The following PPP3CA variants were observed in gnomAD, a reference collection of about 807,000 sequenced individuals.
PPP3CA encodes CAM-PRP catalytic subunit.
Under a neutral mutation model 66.5 loss-of-function variants are expected in PPP3CA, and 14 were observed. The ratio of observed to expected loss-of-function variants is 0.21; its 90% CI spans 0.14 to 0.33. The LOEUF is 0.33. Ranked by LOEUF, PPP3CA falls within the 10% of genes least tolerant of loss-of-function variation. The pLI, the probability that PPP3CA is intolerant of heterozygous loss-of-function variation, is 1.00. For synonymous variants in PPP3CA, 232 were observed against 226.2 expected, an observed-to-expected ratio of 1.03 and a Z score of -0.23; for missense variants, 317 against 639.5, an observed-to-expected ratio of 0.50 and a Z score of 5.44.
intron 11 of PPP3CA, among the ~76,000 whole-genome samples, chr4:101,032,651 T>TAATC (rs1419464036): frequency 9.9e-5 from 15 of 152,198 alleles, no homozygotes; most frequent in Non-Finnish European, 1.9e-4. Context: ...TTTGATTTTG[T>TAATC]AATCAGGCAT....
intron 2 of PPP3CA, among the ~76,000 whole-genome samples, chr4:101,109,290 A>G (rs1441816481): frequency 7.1e-6 from 1 of 141,046 alleles, no homozygotes; most frequent in Non-Finnish European, 1.5e-5. Flanking sequence ...GTCTGAGTCC[A>G]CTAGTATACA....
chr4:101,084,594 G>A (rs1729577150), intron 6 of PPP3CA, among the ~76,000 whole-genome samples: 1 of 150,084 alleles, frequency 6.7e-6, no homozygotes, highest in South Asian at 2.1e-4. Context: ...AGTGAGTCGA[G>A]AACGCACCAT....
chr4:101,148,217 A>G (rs1168514297), intron 2 of PPP3CA, among the ~76,000 whole-genome samples: 4 of 152,180 alleles, frequency 2.6e-5, no homozygotes, highest in Non-Finnish European at 5.9e-5. Flanking sequence ...AGCTAGATAT[A>G]AAGTAAAGCC....
At chr4:101,083,365 TC>T (rs1467186193) in intron 6 of PPP3CA, 102 bp from the exon 7 acceptor site, 7 of 1,017,512 alleles carry the variant, frequency 6.9e-6, no homozygotes, top group Non-Finnish European at 8.9e-6. Context: ...TCAAAGATAA[TC>T]AAACATACAT....
intron 1 of PPP3CA, among the ~76,000 whole-genome samples, chr4:101,328,209 G>A (rs1251223418): frequency 6.6e-6 from 1 of 152,136 alleles, no homozygotes; most frequent in Non-Finnish European, 1.5e-5. Flanking sequence ...ATTTCTCAAA[G>A]TGAATCAAAC....
chr4:101,209,939 A>G (rs2110203777), intron 1 of PPP3CA, among the ~76,000 whole-genome samples: 1 of 152,318 alleles, frequency 6.6e-6, no homozygotes, highest in East Asian at 1.9e-4. Flanking sequence ...ACAGAACTTC[A>G]GAAAACTAGT....
chr4:101,205,481 T>C (rs1241701990), intron 1 of PPP3CA, among the ~76,000 whole-genome samples: 1 of 152,150 alleles, frequency 6.6e-6, no homozygotes, highest in African/African-American at 2.4e-5. Context: ...TTAATCACTA[T>C]AAATTTTAGA....
intron 10 of PPP3CA, among the ~76,000 whole-genome samples, chr4:101,047,630 T>C (rs1353600095): frequency 2.0e-5 from 3 of 152,114 alleles, no homozygotes; most frequent in South Asian, 2.1e-4. Flanking sequence ...AATATATACA[T>C]GTTTTAAATT....
chr4:101,301,440 T>TTATATATTAAATTTATATATTA (rs1273331832), intron 1 of PPP3CA, among the ~76,000 whole-genome samples: 4 of 146,980 alleles, frequency 2.7e-5, no homozygotes, highest in Non-Finnish European at 6.0e-5. Flanking sequence ...TATATATTAA[T>TTATATATTAAATTTATATATTA]TATATATTAA....
At chr4:101,069,632 A>G (rs928829576) in intron 8 of PPP3CA, among the ~76,000 whole-genome samples, 1 of 152,080 alleles carries the variant, frequency 6.6e-6, no homozygotes, top group Admixed American at 6.6e-5. Context: ...GCAGTTTTGA[A>G]CTGCATGGGT....
intron 11 of PPP3CA, among the ~76,000 whole-genome samples, chr4:101,034,495 C>T (rs1393300093): frequency 6.6e-6 from 1 of 151,668 alleles, no homozygotes; most frequent in Non-Finnish European, 1.5e-5. Context: ...CCTGCCATGC[C>T]CCCACCCCCT....
At chr4:101,046,764 T>G (rs1349224064) in intron 10 of PPP3CA, among the ~76,000 whole-genome samples, 1 of 152,160 alleles carries the variant, frequency 6.6e-6, no homozygotes, top group Non-Finnish European at 1.5e-5. Context: ...ATTTTATTTT[T>G]TGCCAAACAG....
chr4:101,324,415 G>A (rs1729148669), intron 1 of PPP3CA, among the ~76,000 whole-genome samples: 1 of 152,054 alleles, frequency 6.6e-6, no homozygotes, highest in African/African-American at 2.4e-5. Flanking sequence ...GTTCCCTTTT[G>A]CTATTTCATT....
chr4:101,279,705 CA>C lies in PPP3CA; in HGVS notation c.58+67033del, dbSNP rs752036216. On this transcript the variant is annotated intron_variant, in intron 1 of 13. Coordinates refer to ENST00000394854, the MANE Select transcript of PPP3CA (RefSeq NM_000944.5). ...CACAGGCTTTTTACTATAAAAAGGG[CA>C]AGCTCTGTGAGGTCAGGAAGTAGAA... Among the ~76,000 whole-genome samples, 373 of 152,180 alleles carry C rather than the reference CA, an allele frequency of 2.5e-3. 1 individual carries two copies. The highest frequency in any genetic ancestry group is 4.0e-3 in the Non-Finnish European group (273 of 67,998).
chr4:101,113,398 G>A (rs1437854610), intron 2 of PPP3CA, among the ~76,000 whole-genome samples: 2 of 152,078 alleles, frequency 1.3e-5, no homozygotes, highest in Non-Finnish European at 2.9e-5. Context: ...CCCCTCACAG[G>A]GGCTATGTGT....
chr4:101,114,518 G>T lies in PPP3CA; in HGVS notation c.260-5440C>A, dbSNP rs1386819251. 2.6e-5 allele frequency among the ~76,000 whole-genome samples: 4 copies of T among 152,008 alleles called. No homozygotes were observed. The East Asian group carries it at 7.7e-4, about 29-fold the overall frequency. ...TATCTTGGTAATTTCCCTAAGTCGG[G>T]TCACTCAGCAGTTCTGAATATCGCT... On this transcript the variant is annotated intron_variant, in intron 2 of 13. Transcript: ENST00000394854.
intron 1 of PPP3CA, among the ~76,000 whole-genome samples, chr4:101,226,960 G>A (rs1371995883): frequency 6.6e-6 from 1 of 151,652 alleles, no homozygotes; most frequent in African/African-American, 2.4e-5. Context: ...TGGACACGAC[G>A]CAGTACTGCA....
At chr4:101,163,452 A>T (rs918923087) in intron 2 of PPP3CA, among the ~76,000 whole-genome samples, 1 of 152,168 alleles carries the variant, frequency 6.6e-6, no homozygotes, top group Non-Finnish European at 1.5e-5. Context: ...TTTTAAAGAG[A>T]TCACAAAAGC....
intron 10 of PPP3CA, among the ~76,000 whole-genome samples, chr4:101,051,365 A>ACT (rs1728001652): frequency 6.6e-6 from 1 of 152,078 alleles, no homozygotes; most frequent in African/African-American, 2.4e-5. Context: ...TGGACTCACA[A>ACT]CTCTCTTGCA....
Sources: allele counts gnomAD v4.1 joint callset (sites outside exome capture counted in the v4.1 genomes callset), GRCh38; gene constraint gnomAD v4.1.1; transcripts MANE v1.5; gene names NCBI Gene and HGNC (gene_info 2026-07-23, HGNC 2026-07-21).